The following ARL10 variants were observed in gnomAD, a reference collection of about 807,000 sequenced individuals.
ARL10 encodes ADP-ribosylation factor-like protein 10.
ARL10 carries 23 observed loss-of-function variants against 26.1 expected under a neutral mutation model. That is an observed-to-expected ratio of 0.88 (90% CI 0.63 to 1.25). ARL10 has a LOEUF of 1.25. Ranked by LOEUF, ARL10 falls within the 50% of genes most tolerant of loss-of-function variation. ARL10 has a pLI of 0.00. For synonymous variants in ARL10, 138 were observed against 149.1 expected (o/e 0.93, Z 0.54); for missense variants, 300 against 323.6 (o/e 0.93, Z 0.56).
intron 1 of ARL10, chr5:176,398,029 C>G (rs749296564): frequency 1.2e-6 from 2 of 1,613,994 alleles, no homozygotes; most frequent in Non-Finnish European, 1.7e-6. Context: ...GCGTAGCCAT[C>G]AGCAGGACCG....
At position 176,366,476 on chromosome 5, in the gene ARL10, C is replaced by T. The variant is rs752807660; in HGVS notation, c.280C>T (p.Leu94=). 7.4e-6 allele frequency: 12 copies of T among 1,614,028 alleles called. No individual in the cohort carries two copies. In the Admixed American group the frequency reaches 2.0e-4, roughly 27 times the overall value. The change falls in exon 2 of 4, where the codon CTG becomes TTG. Residue 94 remains leucine, a synonymous_variant. Transcript: ENST00000310389. The part of the protein sequence containing the change: ...GLDGAGKSTF[L]RVLSGKPPLE... ...GGATGGCGCAGGCAAGAGCACGTTC[C>T]TGCGCGTGTTGTCGGGGAAGCCACC... is the stretch of plus-strand genomic sequence containing the variant.
downstream of ARL10, among the ~76,000 whole-genome samples, chr5:176,389,127 C>T (rs1425844361): frequency 6.6e-6 from 1 of 151,370 alleles, no homozygotes; most frequent in Non-Finnish European, 1.5e-5. Flanking sequence ...CTGATTGGAG[C>T]GGGAGCAGCG....
At position 176,375,123 on chromosome 5, in the gene ARL10, C is replaced by CCCATCCATCCAT. The variant is rs1768649562; in HGVS notation, c.*3230_*3231insATCCATCCATCC. 2.0e-5 allele frequency: 1 copy of CCCATCCATCCAT among 50,124 alleles called. No homozygotes were observed. Among genetic ancestry groups the CCCATCCATCCAT allele is most frequent in the African/African-American group, 5.4e-5 (1 of 18,392 alleles). 3.1% of individuals were successfully genotyped at this position (50,124 alleles called of 1,614,324 possible). ...ATCCATCCATCCCTCCATCCGTCCA[C>CCCATCCATCCAT]CCGTCCACCCGTCCACCCATCCACC... On this transcript the variant is annotated 3_prime_UTR_variant, in exon 4 of 4. Coordinates refer to ENST00000310389, the MANE Select transcript of ARL10 (RefSeq NM_173664.6).
downstream of ARL10, chr5:176,389,510 G>A: frequency 6.2e-7 from 1 of 1,602,296 alleles, no homozygotes; most frequent in Non-Finnish European, 8.5e-7. Flanking sequence ...CCAGGGTCTG[G>A]CCTTGAAAGC....
At chr5:176,366,690 C>T in intron 2 of ARL10, 109 bp downstream of exon 2, 4 of 1,280,214 alleles carry the variant, frequency 3.1e-6, no homozygotes, top group Non-Finnish European at 4.3e-6. Flanking sequence ...ACATTCCCCT[C>T]TACGAATCCT....
chr5:176,400,916 T>A (rs1756785291), intron 1 of ARL10, among the ~76,000 whole-genome samples: 1 of 152,094 alleles, frequency 6.6e-6, no homozygotes, highest in Non-Finnish European at 1.5e-5. Context: ...AGGGAACACA[T>A]AGATGGAACA....
chr5:176,383,275 C>T (rs891186691), downstream of ARL10, among the ~76,000 whole-genome samples: 2 of 152,186 alleles, frequency 1.3e-5, no homozygotes, highest in African/African-American at 2.4e-5. Flanking sequence ...AGCTGATAGG[C>T]GATCCTGAGA....
rs115475232 is a variant in ARL10, at chr5:176,375,661, C to G, written c.*3766C>G. 6.6e-6 allele frequency: 1 copy of G among 152,136 alleles called. No individual in the cohort carries two copies. Among genetic ancestry groups the G allele is most frequent in the Non-Finnish European group, 1.5e-5 (1 of 68,038 alleles). The allele number at this position is 152,136 out of a possible 1,614,324, so 9.4% of individuals were successfully genotyped here. A position where few individuals can be genotyped will look rare whatever the true frequency, so the allele number is the denominator to read the frequency against. On this transcript the variant is annotated 3_prime_UTR_variant, in exon 4 of 4. Coordinates refer to ENST00000310389, the MANE Select transcript of ARL10 (RefSeq NM_173664.6). ...ACAGAGTAAGCAAATTATCCACAGA[C>G]CTAATATGTACCCTCTGAAGCTGGA...
Position 176,379,415 on chromosome 5 carries a change from C to G in ARL10, c.*7520C>G, listed in dbSNP as rs557519054. ...ATCTCCTGACCTCAGGTGATCCACC[C>G]GCCTCGGCCTCCCAAAGTGCTGGGT... On this transcript the variant is annotated 3_prime_UTR_variant, in exon 4 of 4. Coordinates refer to ENST00000310389, the MANE Select transcript of ARL10 (RefSeq NM_173664.6). The G allele has an allele frequency of 2.0e-5, 3 of 152,230 alleles. No homozygotes were observed. The East Asian group carries it at 5.8e-4, about 29-fold the overall frequency. 9.4% of individuals were successfully genotyped at this position (152,230 alleles called of 1,614,324 possible). A position where few individuals can be genotyped will look rare whatever the true frequency, so the allele number is the denominator to read the frequency against.
downstream of ARL10, chr5:176,388,952 G>A (rs765433239): frequency 3.1e-6 from 5 of 1,614,174 alleles, no homozygotes; most frequent in Admixed American, 1.7e-5. Context: ...CAAGACCCGC[G>A]AGAACCCGGT....
At chr5:176,398,849 C>T (rs1756676145) in intron 1 of ARL10, among the ~76,000 whole-genome samples, 1 of 152,020 alleles carries the variant, frequency 6.6e-6, no homozygotes, top group Admixed American at 6.6e-5. Context: ...CTCAAGACCT[C>T]ACTTTTTTTT....
chr5:176,407,365 T>C, the ARL10 span, among the ~76,000 whole-genome samples: 3 of 152,200 alleles, frequency 2.0e-5, no homozygotes, highest in East Asian at 1.9e-4. Context: ...GAGTGCAGTG[T>C]GCGATCTCAG....
downstream of ARL10, among the ~76,000 whole-genome samples, chr5:176,382,517 G>A (rs75973801): frequency 7.5e-4 from 115 of 152,322 alleles, 1 homozygote; most frequent in African/African-American, 2.8e-3. Context: ...TGTTGAACCT[G>A]TGTCTGGTCA....
rs879207987 is a variant in ARL10, at chr5:176,388,598, T to G, written c.*100T>G. On this transcript the variant is annotated 3_prime_UTR_variant, in exon 2 of 2. Transcript: ENST00000503175. Reference sequence around the variant, plus strand: ...CTGCCTCTGTCTCTCAGACCTCGTGTAACAAACTCCTTCCGGAAGGCGTGC... The same window carrying G: ...CTGCCTCTGTCTCTCAGACCTCGTGGAACAAACTCCTTCCGGAAGGCGTGC... The G allele has an allele frequency of 2.0e-6, 3 of 1,496,930 alleles. No individual in the cohort carries two copies. In the South Asian group the frequency reaches 3.5e-5, roughly 18 times the overall value. 92.7% of individuals were successfully genotyped at this position (1,496,930 alleles called of 1,614,324 possible). A position where few individuals can be genotyped will look rare whatever the true frequency, so the allele number is the denominator to read the frequency against.
chr5:176,408,910 A>G, the ARL10 span, among the ~76,000 whole-genome samples: 1 of 151,506 alleles, frequency 6.6e-6, no homozygotes, highest in Non-Finnish European at 1.5e-5. Flanking sequence ...TCCCCATCCC[A>G]CCCCACCCTT....
downstream of ARL10, chr5:176,386,745 GTTTCTCCAT>G (rs1201606959): frequency 1.8e-6 from 2 of 1,088,918 alleles, no homozygotes; most frequent in African/African-American, 3.1e-5. Flanking sequence ...CTGAAACTTG[GTTTCTCCAT>G]CTGCAAAATG....
At chr5:176,371,665 G>C (rs983497207) in intron 3 of ARL10, 57 bp from the exon 4 acceptor site, 7 of 1,467,416 alleles carry the variant, frequency 4.8e-6, no homozygotes, top group Non-Finnish European at 5.7e-6. Flanking sequence ...AACGACAAGG[G>C]TGTCAGTGTG....
At chr5:176,390,182 C>CAAAAAAA (rs60632467), downstream of ARL10, among the ~76,000 whole-genome samples, 6 of 65,234 alleles carry the variant, frequency 9.2e-5, no homozygotes, top group African/African-American at 1.2e-4. Context: ...AACTCCATCT[C>CAAAAAAA]AAAAAAAAAA....
At chr5:176,371,216 A>G (rs1001430644) in intron 3 of ARL10, among the ~76,000 whole-genome samples, 1 of 152,092 alleles carries the variant, frequency 6.6e-6, no homozygotes, top group Non-Finnish European at 1.5e-5. Flanking sequence ...CTCTACTAAA[A>G]ATACAAAAAT....
Sources: allele counts gnomAD v4.1 joint callset (sites outside exome capture counted in the v4.1 genomes callset), GRCh38; gene constraint gnomAD v4.1.1; transcripts MANE v1.5; gene names NCBI Gene and HGNC (gene_info 2026-07-23, HGNC 2026-07-21).